ALOX5: variants seen among roughly 807,000 people sequenced by gnomAD.
ALOX5 encodes polyunsaturated fatty acid 5-lipoxygenase.
A neutral mutation model predicts 87.9 loss-of-function variants in ALOX5; 64 were observed. That is an observed-to-expected ratio of 0.73 (90% CI 0.60 to 0.90). The LOEUF (loss-of-function observed/expected upper bound fraction) is 0.90, where lower values mean the gene tolerates loss of function less well. Ranked by LOEUF, ALOX5 falls within the 40% of genes least tolerant of loss-of-function variation. The probability of loss-of-function intolerance (pLI) is 0.00; values close to 1 mark genes in which losing one functional copy is unlikely to be tolerated. For synonymous variants in ALOX5, 388 were observed against 355.1 expected (o/e 1.09, Z -1.04); for missense variants, 822 against 907.5 (o/e 0.91, Z 1.21).
intron 2 of ALOX5, among the ~76,000 whole-genome samples, chr10:45,391,710 C>T (rs979247545): frequency 1.3e-5 from 2 of 151,922 alleles, no homozygotes; most frequent in Non-Finnish European, 1.5e-5. Flanking sequence ...GCCCAGCCGC[C>T]CATCATCTGA....
intron 6 of ALOX5, among the ~76,000 whole-genome samples, chr10:45,427,932 T>C (rs1203519096): frequency 6.6e-6 from 1 of 152,030 alleles, no homozygotes. Flanking sequence ...GTGTCGCCAG[T>C]CTCAGACCAG....
chr10:45,427,633 T>C (rs914205495), intron 6 of ALOX5, among the ~76,000 whole-genome samples: 1 of 152,136 alleles, frequency 6.6e-6, no homozygotes, highest in Non-Finnish European at 1.5e-5. Flanking sequence ...TACTGACCCC[T>C]CCGCAGCCGG....
intron 3 of ALOX5, among the ~76,000 whole-genome samples, chr10:45,405,062 G>C (rs1450373346): frequency 6.6e-6 from 1 of 152,156 alleles, no homozygotes; most frequent in African/African-American, 2.4e-5. Context: ...ATTCACTGAC[G>C]TTCAGTTCAT....
intron 7 of ALOX5, among the ~76,000 whole-genome samples, chr10:45,437,177 A>AC (rs1303138235): frequency 6.6e-6 from 1 of 152,158 alleles, no homozygotes. Context: ...ACATGGTGAA[A>AC]CCCCGTCTCA....
intron 1 of ALOX5, among the ~76,000 whole-genome samples, chr10:45,377,310 C>A (rs1445583786): frequency 6.6e-6 from 1 of 151,782 alleles, no homozygotes; most frequent in Non-Finnish European, 1.5e-5. Flanking sequence ...CCAGTCTCCC[C>A]CTCTGAGCCA....
At chr10:45,440,056 G>A (rs960848580) in intron 7 of ALOX5, among the ~76,000 whole-genome samples, 4 of 152,190 alleles carry the variant, frequency 2.6e-5, no homozygotes, top group African/African-American at 9.6e-5. Context: ...GTAGAAGAGG[G>A]AGCAGGGCAA....
intron 2 of ALOX5, 57 bp from the exon 3 acceptor site, chr10:45,395,798 A>C: frequency 6.6e-7 from 1 of 1,509,960 alleles, no homozygotes; most frequent in Non-Finnish European, 9.2e-7. Flanking sequence ...AACACTTGGC[A>C]TTGGGCATTG....
intron 9 of ALOX5, 63 bp downstream of exon 9, chr10:45,441,493 A>G (rs1285557153): frequency 6.7e-7 from 1 of 1,499,996 alleles, no homozygotes; most frequent in Non-Finnish European, 9.2e-7. Context: ...TTCACTCCCT[A>G]TCTGAGATCT....
chr10:45,431,633 C>T (rs1000098750), intron 7 of ALOX5, among the ~76,000 whole-genome samples: 3 of 151,750 alleles, frequency 2.0e-5, no homozygotes, highest in East Asian at 1.9e-4. Context: ...AGTGCAGTGG[C>T]GTGATCTCGG....
chr10:45,443,478 A>G lies in ALOX5; in HGVS notation c.1514A>G (p.Glu505Gly), dbSNP rs773417384. Residue 505 changes from glutamate (E) to glycine (G), a missense_variant, in exon 11 of 14, where the codon GAG becomes GGG. Coordinates refer to ENST00000374391, the MANE Select transcript of ALOX5 (RefSeq NM_000698.5). ...EGDQVVEEDP[E>G]LQDFVNDVYV... ...GACCAGGTGGTGGAGGAGGACCCGG[A>G]GCTGCAGGACTTCGTGAACGATGTC... 8.1e-6 allele frequency: 13 copies of G among 1,613,142 alleles called. No individual in the cohort carries two copies. The highest frequency in any genetic ancestry group is 1.1e-5 in the Non-Finnish European group (13 of 1,179,566).
At chr10:45,436,451 C>T (rs7080474) in intron 7 of ALOX5, among the ~76,000 whole-genome samples, 36,245 of 151,968 alleles carry the variant, frequency 0.24, 4,995 homozygotes, top group African/African-American at 0.37. Flanking sequence ...AGGGGCCCAG[C>T]GTCATTCTTC....
intron 9 of ALOX5, among the ~76,000 whole-genome samples, chr10:45,442,338 A>G (rs1842263382): frequency 6.6e-6 from 1 of 152,232 alleles, no homozygotes; most frequent in Non-Finnish European, 1.5e-5. Flanking sequence ...GCATCTAAAC[A>G]GAAAGTGCTG....
chr10:45,414,224 T>C (rs778707516), intron 4 of ALOX5, among the ~76,000 whole-genome samples: 1 of 152,196 alleles, frequency 6.6e-6, no homozygotes, highest in Non-Finnish European at 1.5e-5. Flanking sequence ...AGCATGGCAC[T>C]GGTACCAAAA....
chr10:45,421,408 C>T (rs1841503263), intron 4 of ALOX5, among the ~76,000 whole-genome samples: 1 of 152,244 alleles, frequency 6.6e-6, no homozygotes, highest in South Asian at 2.1e-4. Flanking sequence ...GGACCTCTTT[C>T]TGGGGCACCC....
rs953551723 is a variant in ALOX5, at chr10:45,424,029, C to T, written c.555-12C>T. ...CTAGTGTGCGCAAGGTGACCTCTCT[C>T]CTGGTCTGCAGGATGGAGAACCTGT... On this transcript the variant is annotated splice_polypyrimidine_tract_variant and intron_variant, in intron 4 of 13. Coordinates refer to ENST00000374391, the MANE Select transcript of ALOX5 (RefSeq NM_000698.5). The T allele has an allele frequency of 1.9e-6, 3 of 1,610,218 alleles. No individual in the cohort carries two copies. The highest frequency in any genetic ancestry group is 2.2e-5 in the East Asian group (1 of 44,842).
chr10:45,402,804 TAAG>T (rs1840749579), intron 3 of ALOX5, among the ~76,000 whole-genome samples: 1 of 152,302 alleles, frequency 6.6e-6, no homozygotes, highest in East Asian at 1.9e-4. Context: ...TACAAATCTT[TAAG>T]AAGGGGAGTG....
At chr10:45,378,442 G>A (rs1246691790) in intron 1 of ALOX5, among the ~76,000 whole-genome samples, 1 of 152,170 alleles carries the variant, frequency 6.6e-6, no homozygotes, top group Non-Finnish European at 1.5e-5. Context: ...CCATTCCCAG[G>A]CCCAGTGCTT....
intron 7 of ALOX5, among the ~76,000 whole-genome samples, chr10:45,439,831 A>G (rs1040200871): frequency 6.6e-6 from 1 of 152,242 alleles, no homozygotes; most frequent in Non-Finnish European, 1.5e-5. Context: ...CCTCTGCTAC[A>G]GGAGGTGCCT....
intron 6 of ALOX5, among the ~76,000 whole-genome samples, chr10:45,426,229 T>C (rs1478551218): frequency 2.0e-5 from 3 of 152,242 alleles, no homozygotes; most frequent in African/African-American, 4.8e-5. Context: ...AATCCTAGAA[T>C]TGGAAGACTC....
Sources: gnomAD v4.1 joint callset for allele counts (sites outside exome capture counted in the v4.1 genomes callset) on GRCh38, gnomAD v4.1.1 for gene constraint, MANE v1.5 for transcripts, NCBI Gene and HGNC (gene_info 2026-07-23, HGNC 2026-07-21) for gene names.